Variants in CEP350 observed in about 807,000 individuals in gnomAD.
CEP350 encodes the protein centrosomal protein 350, also known as centrosome-associated protein 350.
Under a neutral mutation model 331.8 loss-of-function variants are expected in CEP350, and 126 were observed. The ratio of observed to expected loss-of-function variants is 0.38; its 90% CI spans 0.33 to 0.44. The LOEUF is 0.44. CEP350 is among the 20% of genes least tolerant of loss of function. The pLI, the probability that CEP350 is intolerant of heterozygous loss-of-function variation, is 1.00. For synonymous variants in CEP350, 1,200 were observed against 1,259.5 expected, an observed-to-expected ratio of 0.95 and a Z score of 1.00; for missense variants, 3,406 against 3,634.6, an observed-to-expected ratio of 0.94 and a Z score of 1.62.
intron 27 of CEP350, chr1:180,073,774 C>T (rs932587313): frequency 2.3e-6 from 3 of 1,301,536 alleles, no homozygotes; most frequent in Non-Finnish European, 3.0e-6. Flanking sequence ...AATCTTCCTC[C>T]TTATTTTGTA....
intron 33 of CEP350, 123 bp from the exon 34 acceptor site, chr1:180,092,491 G>A: frequency 3.5e-6 from 2 of 567,208 alleles, no homozygotes; most frequent in Non-Finnish European, 6.1e-6. Flanking sequence ...GCCAAAACAG[G>A]TCATATTTAT....
At chr1:180,030,988 C>T (rs1655986808) in intron 14 of CEP350, among the ~76,000 whole-genome samples, 1 of 151,852 alleles carries the variant, frequency 6.6e-6, no homozygotes, top group South Asian at 2.1e-4. Flanking sequence ...TGGATTTTAT[C>T]CTTTAAAAAA....
chr1:180,011,828 C>G (rs536024245), intron 8 of CEP350, 101 bp from the exon 9 acceptor site: 262 of 752,756 alleles, frequency 3.5e-4, no homozygotes, highest in South Asian at 1.7e-3. Context: ...TTGACCTTGA[C>G]AGATGAACAT....
chr1:180,043,084 C>G lies in CEP350; in HGVS notation c.4391C>G (p.Ser1464Ter). The change falls in exon 20 of 38, where the codon TCA (serine) becomes TGA (stop). Residue 1464 changes from serine (S) to a stop codon, truncating the protein, a stop_gained. Transcript: ENST00000367607. LOFTEE classifies it high-confidence loss of function. ...EMAELTRTHISDAVVASGAPL... is the reference protein window; with the variant it reads ...EMAELTRTHI ...GCAGAGTTGACTAGAACTCATATCT[C>G]AGATGCTGTCGTGGCTTCAGGAGCT... 6.2e-7 allele frequency: 1 copy of G among 1,613,562 alleles called. No homozygotes were observed. Among genetic ancestry groups the G allele is most frequent in the Non-Finnish European group, 8.5e-7 (1 of 1,179,662 alleles).
intron 11 of CEP350, 75 bp from the exon 12 acceptor site, chr1:180,019,874 T>G (rs1219160983): frequency 2.9e-6 from 4 of 1,402,610 alleles, no homozygotes; most frequent in Non-Finnish European, 3.8e-6. Context: ...CTCATTACTC[T>G]TATAATCAGA....
intron 29 of CEP350, among the ~76,000 whole-genome samples, chr1:180,079,523 A>G (rs16855275): frequency 6.6e-6 from 1 of 151,894 alleles, no homozygotes; most frequent in African/African-American, 2.4e-5. Flanking sequence ...GTTAAAAAAT[A>G]TTTCAATGTC....
chr1:180,005,305 T>C (rs1327015366), intron 7 of CEP350, among the ~76,000 whole-genome samples: 1 of 152,162 alleles, frequency 6.6e-6, no homozygotes, highest in Non-Finnish European at 1.5e-5. Flanking sequence ...GTGGTCATGA[T>C]ATACCCCTTA....
chr1:180,013,448 G>C (rs753900555), intron 9 of CEP350, among the ~76,000 whole-genome samples: 52 of 152,098 alleles, frequency 3.4e-4, no homozygotes, highest in Non-Finnish European at 6.2e-4. Context: ...TTCTCATTGG[G>C]ATGCCTTCCA....
chr1:180,087,723 A>C lies in CEP350; in HGVS notation c.6425+6A>C. ...CCCCTCACACCACTACACAGGTAGA[A>C]ATTTTTGATAACTTGTCTGTATTCT... On this transcript the variant is annotated splice_donor_region_variant and intron_variant, in intron 32 of 37. Coordinates refer to ENST00000367607, the MANE Select transcript of CEP350 (RefSeq NM_014810.5). 6.7e-7 allele frequency: 1 copy of C among 1,497,510 alleles called. No individual in the cohort carries two copies. Among genetic ancestry groups the C allele is most frequent in the Middle Eastern group, 1.8e-4 (1 of 5,676 alleles). 92.8% of individuals were successfully genotyped at this position (1,497,510 alleles called of 1,614,324 possible). A position where few individuals can be genotyped will look rare whatever the true frequency, so the allele number is the denominator to read the frequency against.
At chr1:180,032,182 T>C (rs1656070453) in intron 15 of CEP350, among the ~76,000 whole-genome samples, 1 of 152,116 alleles carries the variant, frequency 6.6e-6, no homozygotes, top group South Asian at 2.1e-4. Flanking sequence ...TCCTACTCAT[T>C]TGTCCATATG....
intron 15 of CEP350, among the ~76,000 whole-genome samples, chr1:180,032,768 G>A (rs1200594006): frequency 6.6e-6 from 1 of 151,888 alleles, no homozygotes; most frequent in African/African-American, 2.4e-5. Context: ...TATCTGCATA[G>A]CAAATATAAA....
At chr1:179,985,800 A>G (rs1652607862) in intron 1 of CEP350, among the ~76,000 whole-genome samples, 1 of 152,172 alleles carries the variant, frequency 6.6e-6, no homozygotes. Context: ...GGTCCCGCCT[A>G]TGACACTTGG....
intron 1 of CEP350, among the ~76,000 whole-genome samples, chr1:179,972,958 C>T (rs1378661172): frequency 1.3e-5 from 2 of 151,618 alleles, no homozygotes; most frequent in African/African-American, 4.9e-5. Context: ...AGCTCCGCCT[C>T]CGGGGTTCAC....
rs1650056299 is a variant in CEP350 at position 179,954,995 on chromosome 1, G to GCCGGTGCGAGGAGGGCAC, written c.-152_-135dup. On this transcript the variant is annotated 5_prime_UTR_variant, in exon 1 of 38. Coordinates refer to ENST00000367607, the MANE Select transcript of CEP350 (RefSeq NM_014810.5). Reference sequence around the variant, plus strand: ...CCCAGCGGACCGGCGGATCCCCGGAGCCGGTGCGAGGAGGGCACCCGGTGC... The same window carrying GCCGGTGCGAGGAGGGCAC: ...CCCAGCGGACCGGCGGATCCCCGGAGCCGGTGCGAGGAGGGCACCCGGTGCGAGGAGGGCACCCGGTGC... 2.4e-5 allele frequency: 30 copies of GCCGGTGCGAGGAGGGCAC among 1,269,502 alleles called. No homozygotes were observed. Among genetic ancestry groups the GCCGGTGCGAGGAGGGCAC allele is most frequent in the Non-Finnish European group, 3.0e-5 (30 of 994,330 alleles). The allele number at this position is 1,269,502 out of a possible 1,614,324, so 78.6% of individuals were successfully genotyped here.
rs190878031 is a variant in CEP350, at chr1:180,076,144, C to G, written c.5767+923C>G. 1.0e-3 allele frequency among the ~76,000 whole-genome samples: 154 copies of G among 152,022 alleles called. 1 individual carries two copies. The highest frequency in any genetic ancestry group is 1.4e-3 in the Non-Finnish European group (96 of 67,968). ...AAGCATCTTTTTACATAGACCTCAT[C>G]CATCTTTACCAGTATACTAGATTAA... On this transcript the variant is annotated intron_variant, in intron 28 of 37. Coordinates refer to ENST00000367607, the MANE Select transcript of CEP350 (RefSeq NM_014810.5).
intron 25 of CEP350, among the ~76,000 whole-genome samples, chr1:180,059,476 T>C (rs1658063161): frequency 6.6e-6 from 1 of 152,214 alleles, no homozygotes; most frequent in Non-Finnish European, 1.5e-5. Context: ...GTAAGAATTA[T>C]TAATTTTATT....
intron 6 of CEP350, among the ~76,000 whole-genome samples, chr1:179,998,811 A>G (rs1261355647): frequency 1.3e-5 from 2 of 152,064 alleles, no homozygotes; most frequent in South Asian, 2.1e-4. Flanking sequence ...TGTATTGTTT[A>G]CTATGTTTTT....
intron 1 of CEP350, among the ~76,000 whole-genome samples, chr1:179,964,823 A>T (rs1650887293): frequency 1.3e-5 from 2 of 151,150 alleles, no homozygotes; most frequent in South Asian, 4.2e-4. Flanking sequence ...CCTTCAAAGA[A>T]CTAACTTTGT....
intron 18 of CEP350, 119 bp from the exon 19 acceptor site, chr1:180,041,543 A>G: frequency 1.0e-6 from 1 of 984,604 alleles, no homozygotes; most frequent in Non-Finnish European, 1.5e-6. Context: ...TGAAATCCAG[A>G]TTGTAGTAAA....
Sources: allele counts gnomAD v4.1 joint callset (sites outside exome capture counted in the v4.1 genomes callset), GRCh38; gene constraint gnomAD v4.1.1; transcripts MANE v1.5; gene names NCBI Gene and HGNC (gene_info 2026-07-23, HGNC 2026-07-21).